Variants in CDKAL1 observed in about 807,000 individuals in gnomAD.
CDKAL1 encodes the protein threonylcarbamoyladenosine tRNA methylthiotransferase.
Under a neutral mutation model 68.2 loss-of-function variants are expected in CDKAL1, and 32 were observed. That is an observed-to-expected ratio of 0.47 (90% CI 0.35 to 0.63). CDKAL1 has a LOEUF of 0.63. CDKAL1 is among the 30% of genes least tolerant of loss of function. The pLI is 0.00. For missense variants in CDKAL1, 606 were observed against 696.7 expected (o/e 0.87, Z 1.47); for synonymous variants, 234 against 244.3 (o/e 0.96, Z 0.39).
chr6:21,078,767 C>G (rs2150953869), intron 12 of CDKAL1, among the ~76,000 whole-genome samples: 1 of 152,296 alleles, frequency 6.6e-6, no homozygotes, highest in East Asian at 1.9e-4. Flanking sequence ...TTAAGCCTCT[C>G]TTCAGCCTTC....
At chr6:21,215,385 T>C (rs574763814) in intron 15 of CDKAL1, among the ~76,000 whole-genome samples, 56 of 152,326 alleles carry the variant, frequency 3.7e-4, no homozygotes, top group African/African-American at 1.3e-3. Context: ...TACAGAGTTA[T>C]GTGACAAGAA....
chr6:21,160,356 G>C (rs1035705851), intron 13 of CDKAL1, among the ~76,000 whole-genome samples: 1 of 151,480 alleles, frequency 6.6e-6, no homozygotes, highest in Non-Finnish European at 1.5e-5. Context: ...GGAGTACAGT[G>C]GCGCAATCTC....
At chr6:20,618,227 G>A (rs972229004) in intron 4 of CDKAL1, among the ~76,000 whole-genome samples, 9 of 152,176 alleles carry the variant, frequency 5.9e-5, no homozygotes, top group Non-Finnish European at 1.2e-4. Flanking sequence ...TTTGAGAAGT[G>A]TCCGTTCATA....
At chr6:21,020,069 C>T (rs1204852565) in intron 11 of CDKAL1, among the ~76,000 whole-genome samples, 2 of 152,106 alleles carry the variant, frequency 1.3e-5, no homozygotes, top group Non-Finnish European at 2.9e-5. Context: ...ATTTTTCTGT[C>T]TCCCCTTTTT....
intron 5 of CDKAL1, among the ~76,000 whole-genome samples, chr6:20,724,907 C>T (rs1215719880): frequency 6.6e-6 from 1 of 152,074 alleles, no homozygotes; most frequent in Non-Finnish European, 1.5e-5. Context: ...TTAGTAGGAA[C>T]CAGAATGTAA....
chr6:20,980,494 C>A (rs1766087857), intron 10 of CDKAL1, among the ~76,000 whole-genome samples: 1 of 152,090 alleles, frequency 6.6e-6, no homozygotes, highest in Non-Finnish European at 1.5e-5. Flanking sequence ...GCCTCAGCCT[C>A]CCAAAGTGCT....
intron 10 of CDKAL1, among the ~76,000 whole-genome samples, chr6:20,977,444 T>C (rs1765893896): frequency 6.6e-6 from 1 of 152,238 alleles, no homozygotes; most frequent in Non-Finnish European, 1.5e-5. Flanking sequence ...TAGCACTATG[T>C]AACCATGTGA....
chr6:20,714,568 T>C (rs1772002865), intron 5 of CDKAL1, among the ~76,000 whole-genome samples: 1 of 151,874 alleles, frequency 6.6e-6, no homozygotes, highest in Admixed American at 6.6e-5. Flanking sequence ...TTTTTTATTA[T>C]TTGTAGAGAC....
intron 11 of CDKAL1, among the ~76,000 whole-genome samples, chr6:21,023,451 C>G (rs1026615654): frequency 9.2e-5 from 14 of 152,082 alleles, no homozygotes; most frequent in Admixed American, 2.0e-4. Flanking sequence ...TATGAATTGC[C>G]TTTGTGTTCT....
At chr6:20,789,521 T>C (rs1000439900) in intron 8 of CDKAL1, among the ~76,000 whole-genome samples, 4 of 152,202 alleles carry the variant, frequency 2.6e-5, no homozygotes, top group African/African-American at 9.7e-5. Flanking sequence ...AACTTTGAAA[T>C]GAATATGTAT....
intron 8 of CDKAL1, among the ~76,000 whole-genome samples, chr6:20,813,112 G>T (rs1470868024): frequency 6.6e-6 from 1 of 151,936 alleles, no homozygotes; most frequent in African/African-American, 2.4e-5. Context: ...CTCCTTGTCT[G>T]TCTCTGTCTC....
chr6:20,681,605 G>A (rs929654323), intron 5 of CDKAL1, among the ~76,000 whole-genome samples: 1 of 152,062 alleles, frequency 6.6e-6, no homozygotes, highest in Non-Finnish European at 1.5e-5. Context: ...ACTGGACTCT[G>A]TAATAGCTGT....
At chr6:20,859,876 T>C (rs1053578861) in intron 9 of CDKAL1, among the ~76,000 whole-genome samples, 1 of 152,196 alleles carries the variant, frequency 6.6e-6, no homozygotes, top group Admixed American at 6.5e-5. Flanking sequence ...TGTTTCTTAG[T>C]TCCTTGAATA....
chr6:20,873,608 G>T (rs977427092), intron 9 of CDKAL1, among the ~76,000 whole-genome samples: 1 of 152,078 alleles, frequency 6.6e-6, no homozygotes, highest in Non-Finnish European at 1.5e-5. Flanking sequence ...TCACTCTGTT[G>T]TTCCCAATAA....
At chr6:20,734,952 C>A (rs71563973) in intron 5 of CDKAL1, among the ~76,000 whole-genome samples, 1 of 149,598 alleles carries the variant, frequency 6.7e-6, no homozygotes, top group East Asian at 2.0e-4. Context: ...TCACTGCAAC[C>A]TCCACCTCCC....
At chr6:20,814,246 AT>A (rs201991793) in intron 8 of CDKAL1, among the ~76,000 whole-genome samples, 1,876 of 151,776 alleles carry the variant, frequency 0.012, 47 homozygotes, top group African/African-American at 0.04. Context: ...TAAAAATAAA[AT>A]TTTTTTTTAA....
chr6:20,579,115 T>A (rs1266648682), intron 4 of CDKAL1, among the ~76,000 whole-genome samples: 1 of 152,114 alleles, frequency 6.6e-6, no homozygotes, highest in Non-Finnish European at 1.5e-5. Flanking sequence ...GTAGCTGGCA[T>A]TACGGGCCTG....
rs529446607 is a variant in CDKAL1 at position 20,991,944 on chromosome 6, T to A, written c.910-8283T>A. ...AGGAATTTTAAAAATATAATATCAT[T>A]ATCATTAATAGTCACATTCTCTTCA... On this transcript the variant is annotated intron_variant, in intron 10 of 15. Coordinates refer to ENST00000274695, the MANE Select transcript of CDKAL1 (RefSeq NM_017774.3). Among the ~76,000 whole-genome samples the A allele has an allele frequency of 3.3e-5, 5 of 150,740 alleles. No homozygotes were observed. The South Asian group carries it at 1.0e-3, about 31-fold the overall frequency.
At chr6:20,912,005 T>C (rs995185916) in intron 9 of CDKAL1, among the ~76,000 whole-genome samples, 13 of 152,154 alleles carry the variant, frequency 8.5e-5, no homozygotes, top group African/African-American at 3.1e-4. Flanking sequence ...TCTGACAACT[T>C]TCCTCTGAGA....
Sources: allele counts gnomAD v4.1 joint callset (sites outside exome capture counted in the v4.1 genomes callset), GRCh38; gene constraint gnomAD v4.1.1; transcripts MANE v1.5; gene names NCBI Gene and HGNC (gene_info 2026-07-23, HGNC 2026-07-21).